FAF1: variants seen among roughly 807,000 people sequenced by gnomAD.
FAF1 encodes Fas associated factor 1.
FAF1 carries 25 observed loss-of-function variants against 92.5 expected under a neutral mutation model. The ratio of observed to expected loss-of-function variants is 0.27; its 90% confidence interval spans 0.20 to 0.38. FAF1 has a LOEUF of 0.38. Ranked by LOEUF, FAF1 falls within the 10% of genes least tolerant of loss-of-function variation. The pLI, the probability that FAF1 is intolerant of heterozygous loss-of-function variation, is 1.00. For synonymous variants in FAF1, 234 were observed against 273.2 expected (o/e 0.86, Z 1.42); for missense variants, 636 against 793.3 (o/e 0.80, Z 2.38).
At chr1:50,472,825 C>T (rs1367386196) in intron 18 of FAF1, among the ~76,000 whole-genome samples, 1 of 152,146 alleles carries the variant, frequency 6.6e-6, no homozygotes, top group Non-Finnish European at 1.5e-5. Context: ...GATCCTAATC[C>T]TTGCAGACAC....
At chr1:50,914,298 C>T (rs973014786) in intron 1 of FAF1, among the ~76,000 whole-genome samples, 1 of 152,088 alleles carries the variant, frequency 6.6e-6, no homozygotes, top group African/African-American at 2.4e-5. Context: ...TTTATGATAC[C>T]AAAGGCATGT....
intron 1 of FAF1, among the ~76,000 whole-genome samples, chr1:50,886,760 T>C (rs1644669261): frequency 6.6e-6 from 1 of 152,232 alleles, no homozygotes; most frequent in South Asian, 2.1e-4. Context: ...TGCCACATTT[T>C]CTTAATCCAG....
At chr1:50,716,536 G>C (rs1388691778) in intron 6 of FAF1, among the ~76,000 whole-genome samples, 1 of 152,186 alleles carries the variant, frequency 6.6e-6, no homozygotes, top group Non-Finnish European at 1.5e-5. Context: ...TCAGCACTCT[G>C]TGTCTAGCTA....
chr1:50,828,417 C>T (rs1363385655), intron 2 of FAF1, among the ~76,000 whole-genome samples: 1 of 152,038 alleles, frequency 6.6e-6, no homozygotes, highest in Non-Finnish European at 1.5e-5. Context: ...TACAGGCGCC[C>T]GCCACCACGT....
At chr1:50,647,612 C>T (rs562184643) in intron 8 of FAF1, among the ~76,000 whole-genome samples, 2 of 152,254 alleles carry the variant, frequency 1.3e-5, no homozygotes, top group East Asian at 1.9e-4. Context: ...AAATAAAACA[C>T]AGTAATAGCC....
chr1:50,770,232 T>C (rs1333031232), intron 4 of FAF1, among the ~76,000 whole-genome samples: 4 of 152,070 alleles, frequency 2.6e-5, no homozygotes, highest in African/African-American at 7.2e-5. Flanking sequence ...ATTCAACATA[T>C]ACAGCACTGG....
chr1:50,900,911 G>C (rs898824466), intron 1 of FAF1, among the ~76,000 whole-genome samples: 1 of 151,836 alleles, frequency 6.6e-6, no homozygotes, highest in African/African-American at 2.4e-5. Context: ...ACTTCCCCAG[G>C]TACTGTTACA....
At chr1:50,880,548 C>T (rs1288256689) in intron 1 of FAF1, among the ~76,000 whole-genome samples, 1 of 152,206 alleles carries the variant, frequency 6.6e-6, no homozygotes, top group Non-Finnish European at 1.5e-5. Flanking sequence ...ACTATCTCCA[C>T]ATGTACACAC....
rs1186301750 is a variant in FAF1, at chr1:50,686,700, C to CA, written c.657+19085_657+19086insT. Among the ~76,000 whole-genome samples the CA allele has an allele frequency of 2.0e-5, 3 of 152,100 alleles. No homozygotes were observed. In the East Asian group the frequency reaches 5.8e-4, roughly 29 times the overall value. Reference sequence around the variant, plus strand: ...GTGCTTAATATCAAACTCAAGAAAACTGTATCCAACATTACAAAGTCTATT... The same window carrying CA: ...GTGCTTAATATCAAACTCAAGAAAACATGTATCCAACATTACAAAGTCTATT... On this transcript the variant is annotated intron_variant, in intron 7 of 18. Coordinates refer to ENST00000396153, the MANE Select transcript of FAF1 (RefSeq NM_007051.3).
chr1:50,727,164 T>C (rs976032706), intron 6 of FAF1, among the ~76,000 whole-genome samples: 1 of 152,248 alleles, frequency 6.6e-6, no homozygotes, highest in African/African-American at 2.4e-5. Context: ...CAACCCACAC[T>C]AGTCATTCAA....
intron 6 of FAF1, among the ~76,000 whole-genome samples, chr1:50,732,902 TTTA>T (rs1048334597): frequency 3.0e-4 from 46 of 152,256 alleles, no homozygotes; most frequent in African/African-American, 1.1e-3. Flanking sequence ...TCTTTTTTTT[TTTA>T]GTGTTTATTC....
At chr1:50,762,972 T>C (rs1371203819) in intron 4 of FAF1, among the ~76,000 whole-genome samples, 2 of 152,052 alleles carry the variant, frequency 1.3e-5, no homozygotes, top group African/African-American at 4.8e-5. Flanking sequence ...ATATAGAATG[T>C]AGGCCAGGCG....
intron 6 of FAF1, among the ~76,000 whole-genome samples, chr1:50,718,719 G>T (rs996722055): frequency 5.9e-5 from 9 of 151,984 alleles, no homozygotes; most frequent in Non-Finnish European, 1.3e-4. Context: ...TTAAAATGTG[G>T]TATTGAATTT....
chr1:50,893,951 G>A (rs1315033017), intron 1 of FAF1, among the ~76,000 whole-genome samples: 1 of 151,944 alleles, frequency 6.6e-6, no homozygotes, highest in Non-Finnish European at 1.5e-5. Flanking sequence ...ATAGGAAGAG[G>A]AGCCTCACCC....
intron 15 of FAF1, among the ~76,000 whole-genome samples, chr1:50,526,663 T>C (rs975824473): frequency 2.0e-5 from 3 of 151,880 alleles, no homozygotes; most frequent in South Asian, 4.2e-4. Context: ...AATGTTTACA[T>C]GGACACAGGT....
At chr1:50,839,793 C>G (rs1260199854) in intron 2 of FAF1, among the ~76,000 whole-genome samples, 1 of 152,040 alleles carries the variant, frequency 6.6e-6, no homozygotes, top group Non-Finnish European at 1.5e-5. Flanking sequence ...CTACAGCCAT[C>G]CCAAGATACT....
At chr1:50,701,381 T>C (rs1401718651) in intron 7 of FAF1, among the ~76,000 whole-genome samples, 1 of 146,632 alleles carries the variant, frequency 6.8e-6, no homozygotes, top group African/African-American at 2.4e-5. Flanking sequence ...CTCCCCATAC[T>C]GGAAAACAAA....
chr1:50,695,443 C>T (rs1177506337), intron 7 of FAF1, among the ~76,000 whole-genome samples: 6 of 151,840 alleles, frequency 4.0e-5, no homozygotes, highest in African/African-American at 9.7e-5. Flanking sequence ...CTAAAGGAGG[C>T]TTATTTCCAG....
At chr1:50,569,467 A>G (rs1650328000) in intron 12 of FAF1, among the ~76,000 whole-genome samples, 1 of 152,320 alleles carries the variant, frequency 6.6e-6, no homozygotes, top group Non-Finnish European at 1.5e-5. Flanking sequence ...TGAATCAAGA[A>G]TTCTGATGCT....
Sources: allele counts gnomAD v4.1 joint callset (sites outside exome capture counted in the v4.1 genomes callset), GRCh38; gene constraint gnomAD v4.1.1; transcripts MANE v1.5; gene names NCBI Gene and HGNC (gene_info 2026-07-23, HGNC 2026-07-21).